Variants in MYOM1 observed in about 807,000 individuals in gnomAD.
MYOM1 encodes the protein myomesin 1, also known as myomesin-1.
MYOM1 carries 164 observed loss-of-function variants against 205.3 expected under a neutral mutation model. The ratio of observed to expected loss-of-function variants is 0.80; its 90% CI spans 0.70 to 0.91. The LOEUF is 0.91. Ranked by LOEUF, MYOM1 falls within the 40% of genes least tolerant of loss-of-function variation. The probability of loss-of-function intolerance (pLI) is 0.00; values close to 1 mark genes in which losing one functional copy is unlikely to be tolerated. For missense variants in MYOM1, 2,011 were observed against 2,127.3 expected (o/e 0.95, Z 1.08); for synonymous variants, 772 against 789.4 (o/e 0.98, Z 0.37).
Position 3,089,518 on chromosome 18 carries a change from A to G in MYOM1, c.4069+19T>C, listed in dbSNP as rs1207709742. The G allele has an allele frequency of 1.3e-6, 2 of 1,592,988 alleles. No homozygotes were observed. Among genetic ancestry groups the G allele is most frequent in the Non-Finnish European group, 1.7e-6 (2 of 1,168,366 alleles). On this transcript the variant is annotated intron_variant, in intron 28 of 37. Coordinates refer to ENST00000356443, the MANE Select transcript of MYOM1 (RefSeq NM_003803.4). ...CAAAAAAATTAAAAATTTTCTCTTT[A>G]TCCACGGCCTATTTTTACCTTGTTT...
At chr18:3,143,695 G>A (rs772286972) in intron 13 of MYOM1, among the ~76,000 whole-genome samples, 5 of 151,874 alleles carry the variant, frequency 3.3e-5, no homozygotes, top group Non-Finnish European at 5.9e-5. Context: ...GAGCTCAGGA[G>A]TTTGAGATGA....
intron 33 of MYOM1, among the ~76,000 whole-genome samples, chr18:3,080,872 G>A (rs1271083510): frequency 2.0e-5 from 3 of 152,022 alleles, no homozygotes; most frequent in East Asian, 3.9e-4. Flanking sequence ...GGTGGCTCAC[G>A]CCTGTAATCC....
intron 11 of MYOM1, among the ~76,000 whole-genome samples, chr18:3,154,115 A>G (rs2080258278): frequency 6.6e-6 from 1 of 152,132 alleles, no homozygotes; most frequent in Non-Finnish European, 1.5e-5. Flanking sequence ...TAGTATTACC[A>G]AAGTAAATAT....
intron 2 of MYOM1, among the ~76,000 whole-genome samples, chr18:3,197,854 C>CA (rs2081013360): frequency 6.6e-6 from 1 of 151,952 alleles, no homozygotes. Flanking sequence ...GCCTGGGTGA[C>CA]AGAGCGAGAC....
intron 5 of MYOM1, among the ~76,000 whole-genome samples, chr18:3,180,727 A>T (rs1423018182): frequency 6.6e-6 from 1 of 152,178 alleles, no homozygotes; most frequent in African/African-American, 2.4e-5. Flanking sequence ...AGCTTTCAGT[A>T]TACTATAAGT....
At chr18:3,106,465 A>G (rs1567908353) in intron 22 of MYOM1, among the ~76,000 whole-genome samples, 1 of 152,242 alleles carries the variant, frequency 6.6e-6, no homozygotes, top group Non-Finnish European at 1.5e-5. Flanking sequence ...AAATGGGATC[A>G]TGCATACTTT....
chr18:3,100,124 T>C, intron 25 of MYOM1, 35 bp downstream of exon 25: 2 of 1,611,946 alleles, frequency 1.2e-6, no homozygotes, highest in African/African-American at 1.3e-5. Flanking sequence ...CTAGTAAGAC[T>C]GCTAAAAACC....
chr18:3,072,036 A>G, intron 36 of MYOM1, 147 bp from the exon 37 acceptor site: 1 of 726,816 alleles, frequency 1.4e-6, no homozygotes, highest in Admixed American at 2.5e-5. Flanking sequence ...AAAAAAGAAA[A>G]TGATCCAGGG....
intron 18 of MYOM1, 146 bp downstream of exon 18, chr18:3,129,086 A>T: frequency 9.3e-7 from 1 of 1,071,546 alleles, no homozygotes; most frequent in Non-Finnish European, 1.3e-6. Context: ...AGATGAAAGT[A>T]CACATTTCAG....
At chr18:3,134,226 G>C (rs973581307) in intron 16 of MYOM1, among the ~76,000 whole-genome samples, 2 of 152,054 alleles carry the variant, frequency 1.3e-5, no homozygotes, top group Non-Finnish European at 2.9e-5. Context: ...TCCCTATGCT[G>C]TCCAGGCTGG....
chr18:3,195,464 G>C (rs2080982131), intron 2 of MYOM1, among the ~76,000 whole-genome samples: 1 of 152,200 alleles, frequency 6.6e-6, no homozygotes, highest in African/African-American at 2.4e-5. Context: ...TACAGGCTGT[G>C]CTTATACAGG....
At position 3,142,008 on chromosome 18, in the gene MYOM1, G is replaced by A. The variant is rs2080057348; in HGVS notation, c.1956C>T (p.Ser652=). 1.2e-6 allele frequency: 2 copies of A among 1,613,774 alleles called. No homozygotes were observed. The highest frequency in any genetic ancestry group is 8.5e-7 in the Non-Finnish European group (1 of 1,179,810). ...GGGGCTTCCAGCTGAGCACCACATA[G>A]CTCCGGGTGGCCTCAGTGACAGAGA... ...TDLSVTEATR[S]YVVLSWKPPG... The change falls in exon 14 of 38, where the codon AGC becomes AGT. Residue 652 remains serine (S), a synonymous_variant. Coordinates refer to ENST00000356443, the MANE Select transcript of MYOM1 (RefSeq NM_003803.4).
chr18:3,133,670 A>G (rs1189322186), intron 16 of MYOM1, among the ~76,000 whole-genome samples: 1 of 152,176 alleles, frequency 6.6e-6, no homozygotes, highest in Non-Finnish European at 1.5e-5. Context: ...ATCACGTTGC[A>G]TATTAGATAT....
chr18:3,193,349 T>TATATATATACATATAC (rs1567961399), intron 3 of MYOM1, among the ~76,000 whole-genome samples: 5 of 137,206 alleles, frequency 3.6e-5, no homozygotes, highest in African/African-American at 1.5e-4. Flanking sequence ...TACATATACA[T>TATATATATACATATAC]ATATATATAT....
At chr18:3,091,137 G>A (rs2079220161) in intron 26 of MYOM1, among the ~76,000 whole-genome samples, 1 of 152,042 alleles carries the variant, frequency 6.6e-6, no homozygotes, top group Non-Finnish European at 1.5e-5. Flanking sequence ...CCAATATGAT[G>A]AAACCCCGTC....
At chr18:3,076,013 C>T (rs993189965) in intron 34 of MYOM1, among the ~76,000 whole-genome samples, 13 of 152,144 alleles carry the variant, frequency 8.5e-5, no homozygotes, top group Admixed American at 8.5e-4. Flanking sequence ...TTCAGCCCCT[C>T]AAACGGAAAG....
At chr18:3,085,943 T>C (rs1448567329) in intron 30 of MYOM1, 95 bp downstream of exon 30, 1 of 717,806 alleles carries the variant, frequency 1.4e-6, no homozygotes, top group Non-Finnish European at 2.3e-6. Context: ...ATAAATCCCC[T>C]GGTCATGAAA....
intron 19 of MYOM1, among the ~76,000 whole-genome samples, chr18:3,124,679 G>C (rs1450576170): frequency 2.0e-5 from 3 of 151,814 alleles, no homozygotes; most frequent in Non-Finnish European, 4.4e-5. Flanking sequence ...TGTGGGGGGG[G>C]GTTAATTTTG....
chr18:3,142,814 C>T (rs1315539083), intron 13 of MYOM1, among the ~76,000 whole-genome samples: 1 of 152,108 alleles, frequency 6.6e-6, no homozygotes, highest in African/African-American at 2.4e-5. Flanking sequence ...TAGGCAGGAG[C>T]CAAGGTCCCA....
Sources: allele counts gnomAD v4.1 joint callset (sites outside exome capture counted in the v4.1 genomes callset), GRCh38; gene constraint gnomAD v4.1.1; transcripts MANE v1.5; gene names NCBI Gene and HGNC (gene_info 2026-07-23, HGNC 2026-07-21).